The following NTNG1 variants were observed in gnomAD, a reference collection of about 807,000 sequenced individuals.
NTNG1 encodes the protein netrin-G1.
A neutral mutation model predicts 54.0 loss-of-function variants in NTNG1; 16 were observed. The ratio of observed to expected loss-of-function variants is 0.30; its 90% CI spans 0.20 to 0.45. The LOEUF (loss-of-function observed/expected upper bound fraction) is 0.45. NTNG1 is among the 20% of genes least tolerant of loss of function. The pLI is 1.00. For missense variants in NTNG1, 530 were observed against 678.7 expected (o/e 0.78, Z 2.43); for synonymous variants, 255 against 263.1 (o/e 0.97, Z 0.30).
chr1:107,206,551 C>G (rs780559573), intron 2 of NTNG1, among the ~76,000 whole-genome samples: 50 of 152,126 alleles, frequency 3.3e-4, no homozygotes, highest in Non-Finnish European at 6.5e-4. Flanking sequence ...ATGTTCTTCT[C>G]ATGTGCCTTT....
intron 1 of NTNG1, among the ~76,000 whole-genome samples, chr1:107,146,920 A>G (rs1570701382): frequency 6.6e-6 from 1 of 152,080 alleles, no homozygotes; most frequent in East Asian, 1.9e-4. Context: ...CAACTGTTTA[A>G]TGTGAATTGA....
At chr1:107,346,456 C>T (rs186778153) in intron 3 of NTNG1, among the ~76,000 whole-genome samples, 107 of 152,254 alleles carry the variant, frequency 7.0e-4, no homozygotes, top group African/African-American at 2.2e-3. Context: ...ACCCATGCCC[C>T]TTTCTAGGAT....
At chr1:107,262,552 T>G (rs1321720206) in intron 2 of NTNG1, among the ~76,000 whole-genome samples, 4 of 152,220 alleles carry the variant, frequency 2.6e-5, no homozygotes, top group Non-Finnish European at 5.9e-5. Flanking sequence ...GGGATTGCCA[T>G]GATCAAAGTA....
intron 7 of NTNG1, among the ~76,000 whole-genome samples, chr1:107,441,820 G>C (rs1675983923): frequency 6.6e-6 from 1 of 152,000 alleles, no homozygotes; most frequent in Admixed American, 6.6e-5. Context: ...TGCAACTCAT[G>C]CTGGGGAAAA....
rs1330553486 is a variant in NTNG1, at chr1:107,273,267, A to G, written c.247-51015A>G. On this transcript the variant is annotated intron_variant, in intron 2 of 7. Coordinates refer to ENST00000370068, the MANE Select transcript of NTNG1 (RefSeq NM_001113226.3). ...TGCTGAGTGATGCAGTGGAGAATGT[A>G]TAGAACTGGAAGGGAGAGCCTGGAA... 2.0e-5 allele frequency among the ~76,000 whole-genome samples: 3 copies of G among 152,168 alleles called. No homozygotes were observed. The East Asian group carries it at 5.8e-4, about 29-fold the overall frequency.
intron 7 of NTNG1, among the ~76,000 whole-genome samples, chr1:107,472,581 C>T (rs1036450484): frequency 1.3e-5 from 2 of 152,074 alleles, no homozygotes; most frequent in Non-Finnish European, 1.5e-5. Flanking sequence ...ATGTCCAAGG[C>T]CTTGTCGTAA....
intron 2 of NTNG1, among the ~76,000 whole-genome samples, chr1:107,185,456 T>C (rs1657382512): frequency 6.6e-6 from 1 of 152,152 alleles, no homozygotes. Context: ...TGTGTCTGTG[T>C]CTGTGTGCCC....
chr1:107,419,410 G>GA (rs1674436511), intron 5 of NTNG1, among the ~76,000 whole-genome samples: 3 of 149,784 alleles, frequency 2.0e-5, no homozygotes, highest in Non-Finnish European at 3.0e-5. Context: ...TGTCAAAGAA[G>GA]AAAAAGAAAA....
intron 5 of NTNG1, chr1:107,421,274 C>G: frequency 1.6e-6 from 1 of 633,366 alleles, no homozygotes; most frequent in Non-Finnish European, 2.8e-6. Context: ...TAATATCAAT[C>G]AATGCATCGA....
intron 2 of NTNG1, among the ~76,000 whole-genome samples, chr1:107,290,470 CA>C (rs1192895490): frequency 6.6e-6 from 1 of 150,914 alleles, no homozygotes; most frequent in East Asian, 1.9e-4. Flanking sequence ...TTGAATAAGC[CA>C]TTTTTTTTTA....
chr1:107,359,861 A>C (rs1670158800), intron 3 of NTNG1, among the ~76,000 whole-genome samples: 1 of 152,234 alleles, frequency 6.6e-6, no homozygotes, highest in African/African-American at 2.4e-5. Context: ...ATATTTATAG[A>C]AAACAGTATT....
intron 5 of NTNG1, chr1:107,408,007 T>C (rs777969668): frequency 3.4e-6 from 2 of 585,370 alleles, no homozygotes; most frequent in Non-Finnish European, 6.5e-6. Flanking sequence ...TCAGGAAAAA[T>C]ATAAGTAGTC....
At chr1:107,421,778 GA>G (rs1294934882) in intron 5 of NTNG1, among the ~76,000 whole-genome samples, 2 of 152,062 alleles carry the variant, frequency 1.3e-5, no homozygotes, top group Admixed American at 1.3e-4. Flanking sequence ...CAGGAAACAT[GA>G]AGACTTCTGT....
chr1:107,479,457 C>A (rs1270237367), intron 7 of NTNG1, among the ~76,000 whole-genome samples: 1 of 150,808 alleles, frequency 6.6e-6, no homozygotes, highest in Non-Finnish European at 1.5e-5. Context: ...CATGTGGCAT[C>A]CCTGGGGAAA....
intron 1 of NTNG1, among the ~76,000 whole-genome samples, chr1:107,146,298 C>T (rs1654108675): frequency 6.6e-6 from 1 of 152,064 alleles, no homozygotes; most frequent in Admixed American, 6.5e-5. Flanking sequence ...AGTTATAATG[C>T]CTCCATCCCC....
chr1:107,297,086 GACACACAC>G (rs34213703), intron 2 of NTNG1, among the ~76,000 whole-genome samples: 12 of 137,398 alleles, frequency 8.7e-5, no homozygotes, highest in South Asian at 4.6e-4. Context: ...TACAGATGAG[GACACACAC>G]ACACACACAC....
At chr1:107,163,619 A>G (rs536048264) in intron 2 of NTNG1, among the ~76,000 whole-genome samples, 1 of 152,274 alleles carries the variant, frequency 6.6e-6, no homozygotes, top group South Asian at 2.1e-4. Context: ...TAATTTCACA[A>G]CTGTGATTTT....
intron 2 of NTNG1, among the ~76,000 whole-genome samples, chr1:107,287,435 G>A: frequency 6.6e-6 from 1 of 152,156 alleles, no homozygotes; most frequent in East Asian, 1.9e-4. Context: ...TGCTTGGCAT[G>A]CATGCCGGAA....
At chr1:107,339,403 T>G (rs1668774110) in intron 3 of NTNG1, among the ~76,000 whole-genome samples, 2 of 152,000 alleles carry the variant, frequency 1.3e-5, no homozygotes, top group African/African-American at 4.8e-5. Flanking sequence ...TAAATAGAAT[T>G]TAAAATATAA....
Sources: allele counts gnomAD v4.1 joint callset (sites outside exome capture counted in the v4.1 genomes callset), GRCh38; gene constraint gnomAD v4.1.1; transcripts MANE v1.5; gene names NCBI Gene and HGNC (gene_info 2026-07-23, HGNC 2026-07-21).